Variants in TAFA5 observed in about 807,000 individuals in gnomAD.
TAFA5 encodes the protein TAFA chemokine like family member 5.
Under a neutral mutation model 15.3 loss-of-function variants are expected in TAFA5, and 6 were observed. The ratio of observed to expected loss-of-function variants is 0.39; its 90% CI spans 0.21 to 0.77. The LOEUF (loss-of-function observed/expected upper bound fraction) is 0.77, where lower values mean the gene tolerates loss of function less well. Among genes scored for constraint, TAFA5 ranks in the 30% least tolerant of loss-of-function variants. TAFA5 has a pLI of 0.41. For synonymous variants in TAFA5, 103 were observed against 80.7 expected (o/e 1.28, Z -1.48); for missense variants, 161 against 193.1 (o/e 0.83, Z 0.98).
chr22:48,583,679 AT>A (rs1166696196), intron 1 of TAFA5, among the ~76,000 whole-genome samples: 3 of 3,734 alleles, frequency 8.0e-4, no homozygotes, highest in African/African-American at 2.8e-3. Flanking sequence ...CATGCCTCAC[AT>A]CACACACAAA....
At chr22:48,603,794 T>C (rs1161575609) in intron 1 of TAFA5, among the ~76,000 whole-genome samples, 1 of 152,150 alleles carries the variant, frequency 6.6e-6, no homozygotes, top group Non-Finnish European at 1.5e-5. Flanking sequence ...GTCCTCTCTC[T>C]GGCCAGGCAG....
At chr22:48,650,933 C>T (rs1421277025) in intron 2 of TAFA5, among the ~76,000 whole-genome samples, 1 of 152,224 alleles carries the variant, frequency 6.6e-6, no homozygotes, top group Non-Finnish European at 1.5e-5. Flanking sequence ...TCCATCAGCA[C>T]ACACGTGCTG....
At chr22:48,612,451 T>C (rs1925443577) in intron 1 of TAFA5, among the ~76,000 whole-genome samples, 1 of 152,090 alleles carries the variant, frequency 6.6e-6, no homozygotes, top group Non-Finnish European at 1.5e-5. Flanking sequence ...GGTGTCCCTA[T>C]AGCACGCCCA....
intron 1 of TAFA5, among the ~76,000 whole-genome samples, chr22:48,495,306 C>T (rs762637665): frequency 1.3e-5 from 2 of 152,152 alleles, no homozygotes; most frequent in Non-Finnish European, 2.9e-5. Flanking sequence ...CGCCAAGCCC[C>T]GGGGGCAGAG....
At chr22:48,627,525 C>T (rs548743007) in intron 1 of TAFA5, among the ~76,000 whole-genome samples, 1 of 152,274 alleles carries the variant, frequency 6.6e-6, no homozygotes, top group Non-Finnish European at 1.5e-5. Flanking sequence ...GCCCTGCCCC[C>T]CCAGGTAGTT....
At chr22:48,506,267 A>G (rs1920995946) in intron 1 of TAFA5, among the ~76,000 whole-genome samples, 1 of 152,194 alleles carries the variant, frequency 6.6e-6, no homozygotes, top group Non-Finnish European at 1.5e-5. Context: ...TTTCAGCACA[A>G]TCCGTGCAGC....
At chr22:48,516,564 C>G (rs111397683) in intron 1 of TAFA5, among the ~76,000 whole-genome samples, 430 of 152,340 alleles carry the variant, frequency 2.8e-3, no homozygotes, top group African/African-American at 9.8e-3. Flanking sequence ...AAGGCCATAC[C>G]CACGGCAAGG....
intron 1 of TAFA5, among the ~76,000 whole-genome samples, chr22:48,646,020 C>T (rs1307516361): frequency 1.3e-5 from 2 of 152,190 alleles, no homozygotes; most frequent in Non-Finnish European, 2.9e-5. Context: ...CCTTTGGCAT[C>T]GATGCACACA....
chr22:48,529,234 G>A (rs1921882626), intron 1 of TAFA5, among the ~76,000 whole-genome samples: 2 of 138,436 alleles, frequency 1.4e-5, no homozygotes, highest in South Asian at 4.9e-4. Context: ...AGATGGGGGT[G>A]TTCAGGCAGG....
At chr22:48,509,137 G>A (rs1424339241) in intron 1 of TAFA5, among the ~76,000 whole-genome samples, 1 of 152,216 alleles carries the variant, frequency 6.6e-6, no homozygotes, top group Non-Finnish European at 1.5e-5. Flanking sequence ...GCGAATGACA[G>A]GATCTCATCC....
intron 2 of TAFA5, among the ~76,000 whole-genome samples, chr22:48,654,063 G>A (rs549569830): frequency 1.3e-5 from 2 of 152,060 alleles, no homozygotes; most frequent in South Asian, 2.1e-4. Flanking sequence ...GTCCCGTCAC[G>A]TCGGCACGGT....
intron 3 of TAFA5, among the ~76,000 whole-genome samples, chr22:48,735,798 T>A (rs1428308170): frequency 7.4e-6 from 1 of 134,458 alleles, no homozygotes; most frequent in Non-Finnish European, 1.6e-5. Context: ...GCAGGAGGAA[T>A]GAGAATCACA....
rs961022266 is a variant in TAFA5, at chr22:48,603,677, A to G, written c.113-42920A>G. ...CAGATCTTCCCCAACCAGCCCACAG[A>G]GGTGCAGCTGCCTCTCCCTTCTCCT... On this transcript the variant is annotated intron_variant, in intron 1 of 3. Coordinates refer to ENST00000402357, the MANE Select transcript of TAFA5 (RefSeq NM_001082967.3). 2.0e-5 allele frequency among the ~76,000 whole-genome samples: 3 copies of G among 152,296 alleles called. No individual in the cohort carries two copies. In the South Asian group the frequency reaches 6.2e-4, roughly 32 times the overall value.
intron 1 of TAFA5, among the ~76,000 whole-genome samples, chr22:48,595,755 G>A (rs774550190): frequency 1.5e-4 from 23 of 152,372 alleles, no homozygotes; most frequent in African/African-American, 4.8e-4. Flanking sequence ...ACAGGGCCAC[G>A]CTCACATCAG....
chr22:48,592,528 A>G (rs953561823), intron 1 of TAFA5, among the ~76,000 whole-genome samples: 1 of 152,106 alleles, frequency 6.6e-6, no homozygotes, highest in Non-Finnish European at 1.5e-5. Flanking sequence ...CTGCTGTCCC[A>G]GCCTCTGATT....
At chr22:48,595,217 G>C (rs1166783599) in intron 1 of TAFA5, among the ~76,000 whole-genome samples, 1 of 152,216 alleles carries the variant, frequency 6.6e-6, no homozygotes, top group Non-Finnish European at 1.5e-5. Flanking sequence ...CTACTCAGGG[G>C]ATGTGCAGCC....
chr22:48,563,557 C>CT (rs1923311044), intron 1 of TAFA5, among the ~76,000 whole-genome samples: 1 of 152,218 alleles, frequency 6.6e-6, no homozygotes, highest in Non-Finnish European at 1.5e-5. Context: ...CTGCATCTGC[C>CT]ATCTGAGAAG....
rs1923803367 is a variant in TAFA5, at chr22:48,576,414, G to T, written c.113-70183G>T. The T allele has an allele frequency of 3.2e-6, 4 of 1,260,472 alleles. 1 individual carries two copies. The Admixed American group carries it at 1.2e-4, about 37-fold the overall frequency. 78.1% of individuals were successfully genotyped at this position (1,260,472 alleles called of 1,614,324 possible). A position where few individuals can be genotyped will look rare whatever the true frequency, so the allele number is the denominator to read the frequency against. On this transcript the variant is annotated intron_variant, in intron 1 of 3. Coordinates refer to ENST00000402357, the MANE Select transcript of TAFA5 (RefSeq NM_001082967.3). The stretch of plus-strand genomic sequence containing the variant: ...GGCCGCGGAGGCTGCACCCGGCGGG[G>T]CGCTGATGCGGCGCCTGGACCTTCG...
At chr22:48,551,575 G>A (rs1922856348) in intron 1 of TAFA5, among the ~76,000 whole-genome samples, 1 of 152,198 alleles carries the variant, frequency 6.6e-6, no homozygotes, top group Non-Finnish European at 1.5e-5. Flanking sequence ...TTGGCTTAAA[G>A]TTCAGCTCTA....
Sources: allele counts gnomAD v4.1 joint callset (sites outside exome capture counted in the v4.1 genomes callset), GRCh38; gene constraint gnomAD v4.1.1; transcripts MANE v1.5; gene names NCBI Gene and HGNC (gene_info 2026-07-23, HGNC 2026-07-21).